EFHC2: variants seen among roughly 807,000 people sequenced by gnomAD.
EFHC2 encodes the protein EF-hand domain containing 2.
In EFHC2, 18 loss-of-function variants were observed where a neutral mutation model predicts 52.7. The observed-to-expected ratio is 0.34, with a 90% confidence interval of 0.24 to 0.51. The LOEUF is 0.51. Ranked by LOEUF, EFHC2 falls within the 20% of genes least tolerant of loss-of-function variation. EFHC2 has a pLI of 0.97. For synonymous variants in EFHC2, 203 were observed against 204.1 expected (o/e 0.99, Z 0.04); for missense variants, 513 against 562.5 (o/e 0.91, Z 0.89).
intron 14 of EFHC2, among the ~76,000 whole-genome samples, chrX:44,158,720 C>T (rs762810622): frequency 4.4e-4 from 49 of 111,126 alleles, no homozygotes; most frequent in African/African-American, 1.5e-3. Context: ...CCACCATGGC[C>T]TCTTATGGCA....
At chrX:44,276,983 G>A (rs768586015) in intron 2 of EFHC2, among the ~76,000 whole-genome samples, 3 of 111,581 alleles carry the variant, frequency 2.7e-5, no homozygotes, top group Non-Finnish European at 5.6e-5. Flanking sequence ...AGCTGAGGCC[G>A]GGCACGGTGA....
At chrX:44,324,567 T>TAC (rs1372016776) in intron 1 of EFHC2, among the ~76,000 whole-genome samples, 12 of 110,052 alleles carry the variant, frequency 1.1e-4, no homozygotes, top group East Asian at 2.8e-4. Context: ...AACCCCTGCA[T>TAC]ACACACACAC....
chrX:44,206,156 T>A (rs2037046758), intron 11 of EFHC2, among the ~76,000 whole-genome samples: 1 of 111,587 alleles, frequency 9.0e-6, no homozygotes, highest in Non-Finnish European at 1.9e-5. Flanking sequence ...AAGCAAAAAA[T>A]TATTTGAAAC....
intron 11 of EFHC2, among the ~76,000 whole-genome samples, chrX:44,209,892 T>C (rs747588161): frequency 2.7e-5 from 3 of 110,073 alleles, no homozygotes; most frequent in South Asian, 4.0e-4. Flanking sequence ...GGGATCTAGG[T>C]TGCACGCTAC....
At chrX:44,310,195 C>T (rs2037936692) in intron 2 of EFHC2, 3 of 732,252 alleles carry the variant, frequency 4.1e-6, no homozygotes, top group Non-Finnish European at 4.4e-6. Context: ...TCCGCCTTCT[C>T]ATACATCTGC....
intron 11 of EFHC2, among the ~76,000 whole-genome samples, chrX:44,227,474 C>G (rs1254276020): frequency 1.8e-5 from 2 of 110,952 alleles, no homozygotes; most frequent in Non-Finnish European, 3.8e-5. Context: ...TCTACGCTCT[C>G]ATTTGAAGGC....
intron 14 of EFHC2, among the ~76,000 whole-genome samples, chrX:44,157,937 C>T (rs756643766): frequency 8.1e-5 from 9 of 111,391 alleles, no homozygotes; most frequent in South Asian, 3.8e-4. Flanking sequence ...CTCTGATTGC[C>T]GAATGGTGCT....
intron 2 of EFHC2, chrX:44,284,392 T>G (rs2037736248): frequency 9.0e-6 from 1 of 111,422 alleles, no homozygotes; most frequent in Non-Finnish European, 1.9e-5. Context: ...AGGGTCAAAA[T>G]GAAACTGAGG....
At chrX:44,167,899 T>C (rs758781490) in intron 13 of EFHC2, among the ~76,000 whole-genome samples, 12 of 111,832 alleles carry the variant, frequency 1.1e-4, no homozygotes, top group Non-Finnish European at 2.3e-4. Context: ...ATCACAAGTA[T>C]TTCTCTCCCT....
intron 2 of EFHC2, 128 bp downstream of exon 2, chrX:44,312,440 T>C (rs1244880125): frequency 6.6e-6 from 3 of 457,906 alleles, no homozygotes; most frequent in African/African-American, 2.6e-5. Context: ...CAATAATAAG[T>C]AGAAAAGGCA....
At chrX:44,197,071 G>A (rs1446431218) in intron 11 of EFHC2, among the ~76,000 whole-genome samples, 1 of 112,085 alleles carries the variant, frequency 8.9e-6, no homozygotes, top group African/African-American at 3.2e-5. Context: ...GGATTGCTGT[G>A]AGGAGTAAAT....
At chrX:44,259,213 A>C (rs1368741293) in intron 4 of EFHC2, among the ~76,000 whole-genome samples, 1 of 112,344 alleles carries the variant, frequency 8.9e-6, no homozygotes, top group Non-Finnish European at 1.9e-5. Context: ...GATACTATGC[A>C]GTCATTAAAA....
chrX:44,214,594 C>T (rs2037128830), intron 11 of EFHC2, among the ~76,000 whole-genome samples: 1 of 111,791 alleles, frequency 8.9e-6, no homozygotes, highest in African/African-American at 3.3e-5. Flanking sequence ...AGTAGACCTG[C>T]CTTGCAAGAA....
intron 13 of EFHC2, among the ~76,000 whole-genome samples, chrX:44,170,502 A>G (rs1464309798): frequency 2.7e-5 from 3 of 110,559 alleles, no homozygotes; most frequent in Admixed American, 9.6e-5. Context: ...GAACAAATCA[A>G]TCAGTCAGTG....
chrX:44,270,148 C>T (rs902030674), intron 3 of EFHC2, among the ~76,000 whole-genome samples: 2 of 111,793 alleles, frequency 1.8e-5, no homozygotes, highest in African/African-American at 6.5e-5. Context: ...TATGATGGGA[C>T]TCAGTCCTTT....
At chrX:44,285,251 A>T (rs2037742483) in intron 2 of EFHC2, 1 of 111,862 alleles carries the variant, frequency 8.9e-6, no homozygotes, top group Admixed American at 9.5e-5. Flanking sequence ...GAGCTCCGAA[A>T]ACACATCCAG....
At chrX:44,269,776 C>T (rs1252841182) in intron 3 of EFHC2, among the ~76,000 whole-genome samples, 5 of 111,338 alleles carry the variant, frequency 4.5e-5, no homozygotes, top group African/African-American at 1.3e-4. Context: ...TCCTTTAGAG[C>T]AATGCAAAAC....
chrX:44,266,994 G>A (rs1318947286), intron 3 of EFHC2, among the ~76,000 whole-genome samples: 2 of 111,972 alleles, frequency 1.8e-5, no homozygotes, highest in Non-Finnish European at 3.8e-5. Flanking sequence ...TCATAGGGAA[G>A]CCAGTTCTTG....
intron 1 of EFHC2, among the ~76,000 whole-genome samples, chrX:44,337,611 G>C (rs1012043115): frequency 2.7e-5 from 3 of 112,086 alleles, no homozygotes; most frequent in Non-Finnish European, 5.6e-5. Context: ...GATTATTATA[G>C]CTACAATATT....
Sources: allele counts gnomAD v4.1 joint callset (sites outside exome capture counted in the v4.1 genomes callset), GRCh38; gene constraint gnomAD v4.1.1; transcripts MANE v1.5; gene names NCBI Gene and HGNC (gene_info 2026-07-23, HGNC 2026-07-21).